Variants in GSG1L observed in about 807,000 individuals in gnomAD.
GSG1L encodes the protein germ cell-specific gene 1-like protein.
Under a neutral mutation model 42.1 loss-of-function variants are expected in GSG1L, and 24 were observed. The observed-to-expected ratio is 0.57, with a 90% CI of 0.41 to 0.80. The LOEUF is 0.80. Ranked by LOEUF, GSG1L falls within the 30% of genes least tolerant of loss-of-function variation. The probability of loss-of-function intolerance (pLI) is 0.00; values close to 1 mark genes in which losing one functional copy is unlikely to be tolerated. For missense variants in GSG1L, 445 were observed against 472.2 expected, an observed-to-expected ratio of 0.94 and a Z score of 0.53; for synonymous variants, 215 against 203.5, an observed-to-expected ratio of 1.06 and a Z score of -0.48.
At chr16:27,797,875 G>A (rs961515400) in intron 6 of GSG1L, among the ~76,000 whole-genome samples, 3 of 149,536 alleles carry the variant, frequency 2.0e-5, no homozygotes, top group Admixed American at 6.7e-5. Context: ...CCTGTCTTTC[G>A]TAGCAACATG....
At chr16:27,888,444 CTT>C (rs1186980433) in intron 2 of GSG1L, among the ~76,000 whole-genome samples, 429 of 24,302 alleles carry the variant, frequency 0.018, 19 homozygotes, top group Non-Finnish European at 0.04. Flanking sequence ...TTCTTTCTTT[CTT>C]TCTTTCTTTC....
rs575865207 is a variant in GSG1L, at chr16:27,889,072, C to G, written c.398-4434G>C. Among the ~76,000 whole-genome samples, 23 of 152,224 alleles carry G rather than the reference C, an allele frequency of 1.5e-4. No individual in the cohort carries two copies. In the South Asian group the frequency reaches 4.8e-3, roughly 32 times the overall value. ...GATCATAGTTCACTGCAGCCACTAACTCCTGGGCTCAGGCCATCCTCCTGC... is the reference window on the plus strand; with the variant it reads ...GATCATAGTTCACTGCAGCCACTAAGTCCTGGGCTCAGGCCATCCTCCTGC... On this transcript the variant is annotated intron_variant, in intron 2 of 6. Transcript: ENST00000447459.
rs904259459 is a variant in GSG1L, at chr16:27,789,786, GGATA to G, written c.*1580_*1583del. On this transcript the variant is annotated 3_prime_UTR_variant, in exon 7 of 7. Transcript: ENST00000447459. Reference sequence around the variant, plus strand: ...GTGGATGATGAATGGATGGATGAATGGATAGATAATGGATGGACAGATGATGGAT... The same window carrying G: ...GTGGATGATGAATGGATGGATGAATGGATAATGGATGGACAGATGATGGAT... 9.9e-4 allele frequency: 149 copies of G among 151,146 alleles called. No individual in the cohort carries two copies. Among genetic ancestry groups the G allele is most frequent in the African/African-American group, 3.5e-3 (144 of 41,150 alleles). 9.4% of individuals were successfully genotyped at this position (151,146 alleles called of 1,614,324 possible).
chr16:28,009,943 G>A (rs1194832261), intron 1 of GSG1L, among the ~76,000 whole-genome samples: 1 of 152,204 alleles, frequency 6.6e-6, no homozygotes, highest in Admixed American at 6.5e-5. Flanking sequence ...AAAATGTTTT[G>A]ACAAGAGCTT....
chr16:27,974,105 C>A (rs759669512), intron 1 of GSG1L, among the ~76,000 whole-genome samples: 9 of 152,160 alleles, frequency 5.9e-5, no homozygotes, highest in Non-Finnish European at 1.2e-4. Context: ...TCCTTAAAGG[C>A]CCCTTGTATT....
At chr16:28,008,660 C>T (rs1003444565) in intron 1 of GSG1L, among the ~76,000 whole-genome samples, 6 of 152,214 alleles carry the variant, frequency 3.9e-5, no homozygotes, top group African/African-American at 1.2e-4. Flanking sequence ...CCAAGGACTT[C>T]TCATCACACT....
chr16:27,927,257 C>T (rs1435900362), intron 2 of GSG1L, among the ~76,000 whole-genome samples: 1 of 152,102 alleles, frequency 6.6e-6, no homozygotes, highest in Non-Finnish European at 1.5e-5. Flanking sequence ...TCAAGCAATC[C>T]TCCCACCTCA....
At chr16:27,893,228 A>G (rs892362943) in intron 2 of GSG1L, among the ~76,000 whole-genome samples, 9 of 152,174 alleles carry the variant, frequency 5.9e-5, no homozygotes, top group Non-Finnish European at 1.3e-4. Context: ...CCTTTTTAAA[A>G]AACAGCTTTG....
At chr16:27,857,144 T>A (rs1217896491) in intron 3 of GSG1L, among the ~76,000 whole-genome samples, 6 of 151,906 alleles carry the variant, frequency 3.9e-5, no homozygotes, top group Non-Finnish European at 8.8e-5. Flanking sequence ...GGCATGGGGG[T>A]GGCCAGAAGC....
chr16:27,905,686 G>T (rs933636450), intron 2 of GSG1L, among the ~76,000 whole-genome samples: 1 of 152,096 alleles, frequency 6.6e-6, no homozygotes, highest in Non-Finnish European at 1.5e-5. Flanking sequence ...TACATGAAGG[G>T]TCTATCCTAG....
At chr16:27,867,104 T>G (rs1219898269) in intron 3 of GSG1L, among the ~76,000 whole-genome samples, 1 of 152,158 alleles carries the variant, frequency 6.6e-6, no homozygotes. Flanking sequence ...AGAGGCCACC[T>G]TGATGTCTGT....
At chr16:27,901,824 T>C (rs1195972670) in intron 2 of GSG1L, among the ~76,000 whole-genome samples, 1 of 152,224 alleles carries the variant, frequency 6.6e-6, no homozygotes, top group Non-Finnish European at 1.5e-5. Context: ...GTCAGACCAC[T>C]GCCTACCCTT....
intron 2 of GSG1L, among the ~76,000 whole-genome samples, chr16:27,955,550 A>G (rs994179327): frequency 6.6e-6 from 1 of 152,228 alleles, no homozygotes; most frequent in Non-Finnish European, 1.5e-5. Flanking sequence ...GGAGCAGCCA[A>G]TCCTTCCCAA....
intron 5 of GSG1L, among the ~76,000 whole-genome samples, chr16:27,827,602 T>A (rs985148861): frequency 1.3e-5 from 2 of 152,016 alleles, no homozygotes; most frequent in African/African-American, 4.8e-5. Flanking sequence ...AATGAACTCA[T>A]CCCCTGGAGG....
At position 27,965,255 on chromosome 16, in the gene GSG1L, G is replaced by C. The variant is rs192508419; in HGVS notation, c.350-2052C>G. ...GCTGGTCTCGAACTCCTGACCTCAA[G>C]TGATCTGCCTCAGCCTCCCAAAATG... On this transcript the variant is annotated intron_variant, in intron 1 of 6. Transcript: ENST00000447459. Among the ~76,000 whole-genome samples the C allele has an allele frequency of 5.9e-5, 9 of 152,098 alleles. No individual in the cohort carries two copies. In the East Asian group the frequency reaches 1.7e-3, roughly 29 times the overall value.
intron 2 of GSG1L, among the ~76,000 whole-genome samples, chr16:27,937,113 C>T (rs928337043): frequency 1.3e-5 from 2 of 152,254 alleles, no homozygotes; most frequent in African/African-American, 4.8e-5. Flanking sequence ...CCTTCTCCAG[C>T]AGGGCGTCTG....
At chr16:28,043,995 C>T (rs1163169499) in intron 1 of GSG1L, among the ~76,000 whole-genome samples, 2 of 151,994 alleles carry the variant, frequency 1.3e-5, no homozygotes, top group Non-Finnish European at 2.9e-5. Context: ...GCACTCCAGC[C>T]TGGGCAAGAG....
chr16:27,949,941 C>T (rs2084932860), intron 2 of GSG1L, among the ~76,000 whole-genome samples: 1 of 152,068 alleles, frequency 6.6e-6, no homozygotes, highest in African/African-American at 2.4e-5. Flanking sequence ...AACAAACAAA[C>T]AAACAAACAA....
intron 1 of GSG1L, among the ~76,000 whole-genome samples, chr16:28,045,391 A>T (rs1187900283): frequency 6.6e-6 from 1 of 152,104 alleles, no homozygotes; most frequent in African/African-American, 2.4e-5. Flanking sequence ...AAAAAAGTGT[A>T]TTGGCCAGAA....
Sources: gnomAD v4.1 joint callset for allele counts (sites outside exome capture counted in the v4.1 genomes callset) on GRCh38, gnomAD v4.1.1 for gene constraint, MANE v1.5 for transcripts, NCBI Gene and HGNC (gene_info 2026-07-23, HGNC 2026-07-21) for gene names.